Variants in NCAPD2 observed in about 807,000 individuals in gnomAD.
NCAPD2 encodes non-SMC condensin I complex subunit D2.
NCAPD2 carries 100 observed loss-of-function variants against 164.5 expected under a neutral mutation model. That is an observed-to-expected ratio of 0.61 (90% confidence interval 0.52 to 0.72). The LOEUF (loss-of-function observed/expected upper bound fraction) is 0.72. NCAPD2 is among the 30% of genes least tolerant of loss of function. The probability of loss-of-function intolerance (pLI) is 0.00; values close to 1 mark genes in which losing one functional copy is unlikely to be tolerated. For missense variants in NCAPD2, 1,560 were observed against 1,749.2 expected, an observed-to-expected ratio of 0.89 and a Z score of 1.93; for synonymous variants, 585 against 642.6, an observed-to-expected ratio of 0.91 and a Z score of 1.36.
At chr12:6,526,749 G>A in intron 21 of NCAPD2, 134 bp downstream of exon 21, 1 of 1,426,750 alleles carries the variant, frequency 7.0e-7, no homozygotes. Context: ...GTTGAAGTTG[G>A]GCCAGTTCCC....
intron 2 of NCAPD2, among the ~76,000 whole-genome samples, chr12:6,505,574 C>G (rs978457008): frequency 6.6e-6 from 1 of 152,056 alleles, no homozygotes. Flanking sequence ...TGTGGTGGCT[C>G]GCGCCTGTAA....
chr12:6,518,503 A>AGTTTTTTTTTTTTT (rs1565544081), intron 13 of NCAPD2, among the ~76,000 whole-genome samples: 3 of 30,714 alleles, frequency 9.8e-5, no homozygotes, highest in African/African-American at 5.9e-4. Flanking sequence ...GCCGTCAACA[A>AGTTTTTTTTTTTTT]GTTTTTTTTT....
chr12:6,525,512 C>G, intron 17 of NCAPD2, 71 bp from the exon 18 acceptor site: 1 of 1,539,398 alleles, frequency 6.5e-7, no homozygotes, highest in Non-Finnish European at 8.8e-7. Context: ...GCAATATCAT[C>G]TTCAGAAAAG....
chr12:6,529,752 C>T, intron 28 of NCAPD2, 23 bp from the exon 29 acceptor site: 2 of 1,605,480 alleles, frequency 1.2e-6, no homozygotes, highest in Non-Finnish European at 1.7e-6. Flanking sequence ...CCCAGTTCCT[C>T]ACAAAGCCCT....
chr12:6,510,604 G>C, intron 4 of NCAPD2, 25 bp from the exon 5 acceptor site: 1 of 1,613,188 alleles, frequency 6.2e-7, no homozygotes, highest in South Asian at 1.1e-5. Context: ...GAGTGAAACT[G>C]ACTCCAAGAT....
rs890583861 is a variant in NCAPD2 at position 6,517,956 on chromosome 12, AC to A, written c.1587del (p.Tyr529Ter). 6.2e-7 allele frequency: 1 copy of A among 1,613,254 alleles called. No homozygotes were observed. The highest frequency in any genetic ancestry group is 1.3e-5 in the African/African-American group (1 of 74,934). ...TATCAACTGCTTGCCAAAGCTAGTT[AC>A]AAGTAGGCAAAAGAATGGGATATTC... ...RIYQLLAKAS[Y>X]KKAIILTREA... On this transcript the variant is annotated frameshift_variant and splice_region_variant, in exon 13 of 32. Coordinates refer to ENST00000315579, the MANE Select transcript of NCAPD2 (RefSeq NM_014865.4). LOFTEE classifies it high-confidence loss of function.
rs112115785 is a variant in NCAPD2, at chr12:6,529,081, C to T, written c.3572+42C>T. 2,700 of 1,552,090 alleles carry T rather than the reference C, an allele frequency of 1.7e-3. 34 individuals are homozygous for T. The African/African-American group carries it at 0.033, about 19-fold the overall frequency. Reference sequence around the variant, plus strand: ...CCTGGGGCACATTTTCCACATAGCACGGGCTTAGGAATCAGACACACCTGT... The same window carrying T: ...CCTGGGGCACATTTTCCACATAGCATGGGCTTAGGAATCAGACACACCTGT... On this transcript the variant is annotated intron_variant, in intron 27 of 31. Transcript: ENST00000315579.
intron 14 of NCAPD2, 32 bp from the exon 15 acceptor site, chr12:6,521,766 C>T (rs765862400): frequency 2.5e-5 from 40 of 1,607,160 alleles, no homozygotes; most frequent in African/African-American, 5.4e-5. Context: ...TCCCCTTGAA[C>T]GAAACCATCC....
chr12:6,504,848 G>A (rs1269050669), intron 2 of NCAPD2, among the ~76,000 whole-genome samples: 1 of 152,028 alleles, frequency 6.6e-6, no homozygotes, highest in African/African-American at 2.4e-5. Flanking sequence ...CATGTAAAAT[G>A]GCAGGCAACC....
At chr12:6,529,669 C>T in intron 28 of NCAPD2, 76 bp downstream of exon 28, 1 of 1,601,342 alleles carries the variant, frequency 6.2e-7, no homozygotes, top group South Asian at 1.1e-5. Flanking sequence ...CTCACCCCTT[C>T]AATGCCCCCA....
rs1275222453 is a variant in NCAPD2 at position 6,521,827 on chromosome 12, C to G, written c.1744C>G (p.Pro582Ala). Residue 582 changes from proline (P) to alanine (A), a missense_variant, in exon 15 of 32, where the codon CCC (proline) becomes GCC (alanine). Pro to Ala is a conservative substitution (Grantham distance 27). Transcript: ENST00000315579. ...AGCAGCTTCCACACAAGAAAAGAAT[C>G]CCCGGGAGTCTACAGGAAACATGGT... ...GPAASTQEKN[P>A]RESTGNMVTG... 2 of 1,613,924 alleles carry G rather than the reference C, an allele frequency of 1.2e-6. No individual in the cohort carries two copies. The highest frequency in any genetic ancestry group is 4.5e-5 in the East Asian group (2 of 44,896).
chr12:6,524,728 T>C (rs1166077928), intron 17 of NCAPD2, among the ~76,000 whole-genome samples: 1 of 151,842 alleles, frequency 6.6e-6, no homozygotes, highest in African/African-American at 2.4e-5. Flanking sequence ...TGGAAGTCCC[T>C]GAATGACTTC....
At chr12:6,520,393 C>A (rs1052263872) in intron 13 of NCAPD2, among the ~76,000 whole-genome samples, 8 of 106,900 alleles carry the variant, frequency 7.5e-5, no homozygotes, top group Non-Finnish European at 1.8e-4. Flanking sequence ...CAGGCACACA[C>A]CATTACACCC....
At chr12:6,505,659 T>C (rs894031222) in intron 2 of NCAPD2, among the ~76,000 whole-genome samples, 3 of 152,020 alleles carry the variant, frequency 2.0e-5, no homozygotes, top group Non-Finnish European at 2.9e-5. Context: ...GCCAACACGG[T>C]AAAACCCTGT....
chr12:6,518,491 C>G (rs922955320), intron 13 of NCAPD2, among the ~76,000 whole-genome samples: 3 of 101,032 alleles, frequency 3.0e-5, no homozygotes, highest in Non-Finnish European at 3.9e-5. Flanking sequence ...AAAGCCCTTA[C>G]AGCCGTCAAC....
chr12:6,515,327 G>A (rs1414425427), intron 9 of NCAPD2, among the ~76,000 whole-genome samples: 2 of 152,042 alleles, frequency 1.3e-5, no homozygotes, highest in African/African-American at 4.8e-5. Flanking sequence ...TGGGACTTCA[G>A]GCACATACTA....
At position 6,522,831 on chromosome 12, in the gene NCAPD2, T is replaced by C; in HGVS notation, c.1958T>C (p.Val653Ala). 1 of 1,614,008 alleles carries C rather than the reference T, an allele frequency of 6.2e-7. No individual in the cohort carries two copies. Among genetic ancestry groups the C allele is most frequent in the Non-Finnish European group, 8.5e-7 (1 of 1,179,946 alleles). Residue 653 changes from valine (V) to alanine (A), a missense_variant, in exon 16 of 32, where the codon GTG becomes GCG. Val to Ala is a moderately conservative substitution (Grantham distance 64). Coordinates refer to ENST00000315579, the MANE Select transcript of NCAPD2 (RefSeq NM_014865.4). ...ACATTTGTACATGTTCTCTCAGTGG[T>C]GCAGGAGGTGATTGAATTCTTTGTG... The part of the protein sequence containing the change: ...KMMYENTTTV[V>A]QEVIEFFVMV...
In NCAPD2 at chr12:6,509,752, G is replaced by A. The variant is rs1341604062; in HGVS notation, c.163G>A (p.Ala55Thr). The change falls in exon 3 of 32, where the codon GCT (alanine) becomes ACT (threonine). Residue 55 changes from alanine to threonine, a missense_variant. By Grantham distance (58) the Ala-to-Thr change is moderately conservative. Transcript: ENST00000315579. ...TGCCTTTCGAGCTCAGGGGCCCCTG[G>A]CTATGCTGCAGCACTTTGATACTAT... ...QAAFRAQGPLAMLQHFDTIYS... is the reference protein window; with the variant it reads ...QAAFRAQGPLTMLQHFDTIYS... 6.2e-7 allele frequency: 1 copy of A among 1,613,896 alleles called. No homozygotes were observed. The highest frequency in any genetic ancestry group is 1.3e-5 in the African/African-American group (1 of 74,888).
intron 13 of NCAPD2, among the ~76,000 whole-genome samples, chr12:6,518,504 G>GTTTTTTTTTTTTTTTGTTTTT (rs1946227130): frequency 2.5e-4 from 11 of 44,782 alleles, no homozygotes; most frequent in African/African-American, 8.2e-4. Flanking sequence ...CCGTCAACAA[G>GTTTTTTTTTTTTTTTGTTTTT]TTTTTTTTTT....
Sources: gnomAD v4.1 joint callset for allele counts (sites outside exome capture counted in the v4.1 genomes callset) on GRCh38, gnomAD v4.1.1 for gene constraint, MANE v1.5 for transcripts, NCBI Gene and HGNC (gene_info 2026-07-23, HGNC 2026-07-21) for gene names.